FGL1: variants seen among roughly 807,000 people sequenced by gnomAD.
FGL1 encodes fibrinogen like 1, also known as fibrinogen-like protein 1.
In FGL1, 59 loss-of-function variants were observed where a neutral mutation model predicts 43.7. The ratio of observed to expected loss-of-function variants is 1.35; its 90% confidence interval spans 1.10 to 1.68. The LOEUF (loss-of-function observed/expected upper bound fraction) is 1.68, where lower values mean the gene tolerates loss of function less well. FGL1 is among the 40% of genes most tolerant of loss of function. The probability of loss-of-function intolerance (pLI) is 0.00; values close to 1 mark genes in which losing one functional copy is unlikely to be tolerated. For missense variants in FGL1, 596 were observed against 373.0 expected (o/e 1.60, Z -4.92); for synonymous variants, 192 against 126.5 (o/e 1.52, Z -3.48).
At position 17,864,729 on chromosome 8, in the gene FGL1, C is replaced by G. The variant is rs749289632; in HGVS notation, c.802G>C (p.Gly268Arg). The G allele has an allele frequency of 1.9e-6, 3 of 1,559,554 alleles. No homozygotes were observed. The highest frequency in any genetic ancestry group is 2.6e-6 in the Non-Finnish European group (3 of 1,157,056). The part of the protein sequence containing the change: ...FNRCHSANLN[G>R]VYYSGPYTAK... ...GTGTAGGGGCCGCTGTAGTATACAC[C>G]ATTCAGGTTTGCAGAGTGACACCTA... is the stretch of plus-strand genomic sequence containing the variant. The change falls in exon 8 of 8, where the codon GGT (glycine) becomes CGT (arginine). Residue 268 changes from glycine to arginine, a missense_variant. Gly to Arg is a moderately radical substitution (Grantham distance 125, BLOSUM62 -2). Coordinates refer to ENST00000427924, the MANE Select transcript of FGL1 (RefSeq NM_004467.4).
intron 3 of FGL1, among the ~76,000 whole-genome samples, chr8:17,875,499 C>CTTTCTTTCTTTCTTTCTT (rs1563452176): frequency 1.4e-4 from 1 of 7,092 alleles, no homozygotes; most frequent in African/African-American, 5.1e-4. Context: ...TTCTTTCTTT[C>CTTTCTTTCTTTCTTTCTT]TTTCTTTCTT....
Position 17,870,830 on chromosome 8 carries a change from C to A in FGL1, c.503-1826G>T, listed in dbSNP as rs184633464. On this transcript the variant is annotated intron_variant, in intron 5 of 7. Coordinates refer to ENST00000427924, the MANE Select transcript of FGL1 (RefSeq NM_004467.4). ...CTGAGGCAGGAGAATTGCTTGAATC[C>A]GGGAGGCAGAGGTTGCAGTGAGCCG... 2.8e-3 allele frequency among the ~76,000 whole-genome samples: 421 copies of A among 151,484 alleles called. 3 individuals carry two copies. The highest frequency in any genetic ancestry group is 0.01 in the Middle Eastern group (3 of 294).
In FGL1 at chr8:17,884,878, C is replaced by G. The variant is rs368327730; in HGVS notation, c.63+614G>C. Among the ~76,000 whole-genome samples, 3 of 152,106 alleles carry G rather than the reference C, an allele frequency of 2.0e-5. No homozygotes were observed. In the East Asian group the frequency reaches 5.8e-4, roughly 29 times the overall value. ...AACACAAGTTCGATGTAATTACTTT[C>G]AAATAATCTGGTTAGTTTTACACTT... On this transcript the variant is annotated intron_variant, in intron 2 of 7. Coordinates refer to ENST00000427924, the MANE Select transcript of FGL1 (RefSeq NM_004467.4).
At chr8:17,892,166 C>G (rs1053990712) in intron 1 of FGL1, among the ~76,000 whole-genome samples, 1 of 151,812 alleles carries the variant, frequency 6.6e-6, no homozygotes, top group East Asian at 1.9e-4. Flanking sequence ...AAATTTATCA[C>G]AAAACTCAAG....
At chr8:17,866,711 T>G (rs1168452561) in intron 7 of FGL1, among the ~76,000 whole-genome samples, 1 of 152,238 alleles carries the variant, frequency 6.6e-6, no homozygotes, top group Non-Finnish European at 1.5e-5. Flanking sequence ...TAGTTTTCAT[T>G]CAGATGCCTT....
intron 1 of FGL1, among the ~76,000 whole-genome samples, chr8:17,888,955 T>G (rs2053666020): frequency 6.6e-6 from 1 of 152,224 alleles, no homozygotes; most frequent in Non-Finnish European, 1.5e-5. Flanking sequence ...TAGTATCTTT[T>G]CTTCACAATA....
chr8:17,869,244 T>A (rs1300846838), intron 5 of FGL1, among the ~76,000 whole-genome samples: 2 of 152,202 alleles, frequency 1.3e-5, no homozygotes, highest in African/African-American at 4.8e-5. Context: ...CTAGATCTCT[T>A]AGAGGTAAAA....
intron 7 of FGL1, among the ~76,000 whole-genome samples, chr8:17,866,933 A>G (rs1387858282): frequency 6.6e-6 from 1 of 152,256 alleles, no homozygotes; most frequent in Non-Finnish European, 1.5e-5. Context: ...TTTTTAAAAT[A>G]ACAGGAAAAC....
chr8:17,868,658 C>A lies in FGL1; in HGVS notation c.669G>T (p.Val223=), dbSNP rs762934688. Residue 223 remains valine (V), a synonymous_variant, in exon 7 of 8, where the codon GTG becomes GTT. Coordinates refer to ENST00000427924, the MANE Select transcript of FGL1 (RefSeq NM_004467.4). ...TTCTTTGGTGACTAGCCCACCACTG[C>A]ACCTCAGGATGAAAATTCCCCGCAA... is the stretch of plus-strand genomic sequence containing the variant. ...DSLAGNFHPE[V]QWWASHQRMK... 6.2e-7 allele frequency: 1 copy of A among 1,614,124 alleles called. No homozygotes were observed. Among genetic ancestry groups the A allele is most frequent in the Non-Finnish European group, 8.5e-7 (1 of 1,180,010 alleles).
At chr8:17,871,874 T>G (rs997819491) in intron 5 of FGL1, among the ~76,000 whole-genome samples, 1 of 152,186 alleles carries the variant, frequency 6.6e-6, no homozygotes, top group Non-Finnish European at 1.5e-5. Flanking sequence ...GCAAAGTTCC[T>G]CTGGGAAAAT....
At position 17,864,688 on chromosome 8, in the gene FGL1, A is replaced by T; in HGVS notation, c.843T>A (p.Asn281Lys). The change falls in exon 8 of 8, where the codon AAT becomes AAA. Residue 281 changes from asparagine (N) to lysine (K), a missense_variant. Transcript: ENST00000427924. ...YSGPYTAKTD[N>K]GIVWYTWHGW... Reference sequence around the variant, plus strand: ...CATGCCAGGTGTACCAGACAATCCCATTGTCTGTTTTAGCCGTGTAGGGGC... The same window carrying T: ...CATGCCAGGTGTACCAGACAATCCCTTTGTCTGTTTTAGCCGTGTAGGGGC... 6.2e-7 allele frequency: 1 copy of T among 1,613,514 alleles called. No individual in the cohort carries two copies. The highest frequency in any genetic ancestry group is 1.3e-5 in the African/African-American group (1 of 75,004).
At chr8:17,874,208 T>C in intron 4 of FGL1, 92 bp from the exon 5 acceptor site, 6 of 1,348,400 alleles carry the variant, frequency 4.4e-6, no homozygotes, top group Admixed American at 2.1e-5. Flanking sequence ...CCACCTCCAA[T>C]ATTTTCTTGA....
chr8:17,874,864 GCTTCAAACAATCCTATC>G (rs955455633), intron 3 of FGL1, among the ~76,000 whole-genome samples: 1 of 151,722 alleles, frequency 6.6e-6, no homozygotes, highest in African/African-American at 2.4e-5. Flanking sequence ...CGAACTCCTG[GCTTCAAACAATCCTATC>G]CTCCCACCAC....
At chr8:17,870,161 A>G (rs1437394250) in intron 5 of FGL1, among the ~76,000 whole-genome samples, 1 of 152,176 alleles carries the variant, frequency 6.6e-6, no homozygotes, top group East Asian at 1.9e-4. Flanking sequence ...GGTACATATT[A>G]TCTTTTATAT....
intron 1 of FGL1, among the ~76,000 whole-genome samples, chr8:17,888,683 T>A (rs2053663462): frequency 6.6e-6 from 1 of 152,198 alleles, no homozygotes; most frequent in Non-Finnish European, 1.5e-5. Context: ...AACATCAGCA[T>A]TGAATACTAC....
At chr8:17,891,877 A>T in intron 1 of FGL1, 1 of 720,936 alleles carries the variant, frequency 1.4e-6, no homozygotes. Context: ...GTGATTTGCA[A>T]ATATGTCATG....
In FGL1 at chr8:17,868,876, G is replaced by T. The variant is rs370213414; in HGVS notation, c.591+40C>A. The T allele has an allele frequency of 2.7e-6, 4 of 1,495,956 alleles. No homozygotes were observed. The African/African-American group carries it at 4.2e-5, about 16-fold the overall frequency. The allele number at this position is 1,495,956 out of a possible 1,614,324, so 92.7% of individuals were successfully genotyped here. A position where few individuals can be genotyped will look rare whatever the true frequency, so the allele number is the denominator to read the frequency against. Reference sequence around the variant, plus strand: ...TCCAGGGTTATATTGCACATTTTAAGCATTTATTCACGGTTTTACTTCTTA... The same window carrying T: ...TCCAGGGTTATATTGCACATTTTAATCATTTATTCACGGTTTTACTTCTTA... On this transcript the variant is annotated intron_variant, in intron 6 of 7. Coordinates refer to ENST00000427924, the MANE Select transcript of FGL1 (RefSeq NM_004467.4).
intron 4 of FGL1, 81 bp from the exon 5 acceptor site, chr8:17,874,197 A>G (rs1008535991): frequency 1.6e-5 from 21 of 1,344,206 alleles, no homozygotes; most frequent in Non-Finnish European, 2.1e-5. Flanking sequence ...CCCTGCTACC[A>G]CCACCTCCAA....
intron 7 of FGL1, among the ~76,000 whole-genome samples, chr8:17,866,473 T>C (rs2053271219): frequency 1.3e-5 from 2 of 152,212 alleles, no homozygotes; most frequent in African/African-American, 4.8e-5. Flanking sequence ...TCGAACTCAC[T>C]GATAGTAGGC....
Sources: allele counts gnomAD v4.1 joint callset (sites outside exome capture counted in the v4.1 genomes callset), GRCh38; gene constraint gnomAD v4.1.1; transcripts MANE v1.5; gene names NCBI Gene and HGNC (gene_info 2026-07-23, HGNC 2026-07-21).